CAP2: variants seen among roughly 807,000 people sequenced by gnomAD.
CAP2 encodes cyclase associated actin cytoskeleton regulatory protein 2, also known as adenylyl cyclase-associated protein 2.
Under a neutral mutation model 57.7 loss-of-function variants are expected in CAP2, and 24 were observed. That is an observed-to-expected ratio of 0.42 (90% CI 0.30 to 0.58). CAP2 has a LOEUF of 0.58. CAP2 is among the 20% of genes least tolerant of loss of function. CAP2 has a pLI of 0.22. For missense variants in CAP2, 501 were observed against 590.3 expected (o/e 0.85, Z 1.57); for synonymous variants, 194 against 207.2 (o/e 0.94, Z 0.55).
chr6:17,524,894 T>TTTTC (rs1491338996), intron 7 of CAP2, among the ~76,000 whole-genome samples: 18 of 1,382 alleles, frequency 0.013, no homozygotes, highest in South Asian at 0.091. Flanking sequence ...TTTTCTTTTC[T>TTTTC]TTTTTTTTTT....
chr6:17,501,463 GA>G (rs1761819527), intron 4 of CAP2, among the ~76,000 whole-genome samples: 1 of 152,102 alleles, frequency 6.6e-6, no homozygotes, highest in Admixed American at 6.6e-5. Flanking sequence ...TTTATAATCA[GA>G]AAAAGAAATT....
chr6:17,555,320 G>A (rs1165402290), intron 12 of CAP2, among the ~76,000 whole-genome samples: 3 of 151,754 alleles, frequency 2.0e-5, no homozygotes, highest in Admixed American at 6.6e-5. Flanking sequence ...TCAGCCTCCC[G>A]AGTAGCTGGG....
Position 17,557,154 on chromosome 6 carries a change from A to T in CAP2, c.*712A>T, listed in dbSNP as rs1042563125. ...CATAAGAGATTCTTATGCCAAAAACATTAAACAGAAGAAATCATTTTTTTT... is the reference window on the plus strand; with the variant it reads ...CATAAGAGATTCTTATGCCAAAAACTTTAAACAGAAGAAATCATTTTTTTT... On this transcript the variant is annotated 3_prime_UTR_variant, in exon 13 of 13. Transcript: ENST00000229922. 1 of 123,532 alleles carries T rather than the reference A, an allele frequency of 8.1e-6. No individual in the cohort carries two copies. Among genetic ancestry groups the T allele is most frequent in the African/African-American group, 3.4e-5 (1 of 29,646 alleles). The allele number at this position is 123,532 out of a possible 1,614,324, so 7.7% of individuals were successfully genotyped here.
intron 6 of CAP2, among the ~76,000 whole-genome samples, chr6:17,507,960 C>T (rs1581580284): frequency 6.6e-6 from 1 of 152,224 alleles, no homozygotes; most frequent in Non-Finnish European, 1.5e-5. Context: ...AATGAATAAA[C>T]TCTCCCCACT....
At chr6:17,393,998 G>A (rs1419074717) in intron 1 of CAP2, among the ~76,000 whole-genome samples, 3 of 148,740 alleles carry the variant, frequency 2.0e-5, no homozygotes, top group African/African-American at 7.3e-5. Flanking sequence ...GGCGCGCCCT[G>A]CCCCCGCCTC....
intron 4 of CAP2, among the ~76,000 whole-genome samples, chr6:17,471,218 A>C (rs1384379836): frequency 6.6e-6 from 1 of 152,204 alleles, no homozygotes; most frequent in African/African-American, 2.4e-5. Context: ...ATGCCCAGAA[A>C]ATGTCATAGC....
At chr6:17,467,433 G>T (rs888341079) in intron 4 of CAP2, among the ~76,000 whole-genome samples, 1 of 152,170 alleles carries the variant, frequency 6.6e-6, no homozygotes, top group Non-Finnish European at 1.5e-5. Context: ...ATACAGGCAT[G>T]CTATACATAA....
rs1481172141 is a variant in CAP2, at chr6:17,408,901, C to A, written c.-1-12654C>A. Among the ~76,000 whole-genome samples, 3 of 151,214 alleles carry A rather than the reference C, an allele frequency of 2.0e-5. No homozygotes were observed. In the East Asian group the frequency reaches 6.1e-4, roughly 31 times the overall value. Reference sequence around the variant, plus strand: ...AGCCAGGATGGTCTTGATCTCCTGACCTTGTGATCCGCCAGCCTCGGCCTC... The same window carrying A: ...AGCCAGGATGGTCTTGATCTCCTGAACTTGTGATCCGCCAGCCTCGGCCTC... On this transcript the variant is annotated intron_variant, in intron 1 of 12. Transcript: ENST00000229922.
intron 2 of CAP2, among the ~76,000 whole-genome samples, chr6:17,423,365 C>T (rs1023340338): frequency 7.2e-5 from 11 of 152,050 alleles, no homozygotes; most frequent in Non-Finnish European, 1.0e-4. Flanking sequence ...AGTTTTTTTC[C>T]GCACCAACTG....
chr6:17,529,651 A>AAAAAAAAAAATATATAT (rs10656588), intron 7 of CAP2, among the ~76,000 whole-genome samples: 3 of 134,536 alleles, frequency 2.2e-5, no homozygotes, highest in African/African-American at 8.8e-5. Context: ...AAAAAAAAAA[A>AAAAAAAAAAATATATAT]ATATATATAT....
Position 17,421,536 on chromosome 6 carries a change from T to C in CAP2, c.-1-19T>C. The C allele has an allele frequency of 1.2e-6, 2 of 1,614,158 alleles. No homozygotes were observed. Among genetic ancestry groups the C allele is most frequent in the Non-Finnish European group, 8.5e-7 (1 of 1,179,986 alleles). ...CCCTGATGCTCACGCAGCCTCCATT[T>C]GTGCCTGTGCTTTTCTAGAATGGCC... On this transcript the variant is annotated intron_variant, in intron 1 of 12. Coordinates refer to ENST00000229922, the MANE Select transcript of CAP2 (RefSeq NM_006366.3).
Position 17,497,402 on chromosome 6 carries a change from A to G in CAP2, c.301-9767A>G, listed in dbSNP as rs556459795. On this transcript the variant is annotated intron_variant, in intron 4 of 12. Coordinates refer to ENST00000229922, the MANE Select transcript of CAP2 (RefSeq NM_006366.3). ...GAGTTGGTATCTTCTCAGCTGAACC[A>G]GTAAGCTGAAATAAGAACAAAATAC... Among the ~76,000 whole-genome samples, 36 of 152,360 alleles carry G rather than the reference A, an allele frequency of 2.4e-4. 1 individual carries two copies. Among genetic ancestry groups the G allele is most frequent in the African/African-American group, 7.5e-4 (31 of 41,586 alleles).
intron 3 of CAP2, among the ~76,000 whole-genome samples, chr6:17,434,231 C>CTTTT (rs1219210615): frequency 5.1e-5 from 7 of 137,154 alleles, no homozygotes; most frequent in African/African-American, 2.2e-4. Flanking sequence ...CTCTTTTTTT[C>CTTTT]TTTCTTTTTT....
intron 1 of CAP2, among the ~76,000 whole-genome samples, chr6:17,417,108 C>A (rs1250379170): frequency 1.4e-5 from 2 of 147,460 alleles, no homozygotes; most frequent in Non-Finnish European, 3.0e-5. Flanking sequence ...AAACAAAAAA[C>A]AAACAACCTT....
chr6:17,413,976 C>T (rs1759208260), intron 1 of CAP2, among the ~76,000 whole-genome samples: 1 of 151,922 alleles, frequency 6.6e-6, no homozygotes, highest in South Asian at 2.1e-4. Flanking sequence ...ATCACTTGAA[C>T]CCAGGAGGCG....
chr6:17,530,582 G>A (rs1762617130), intron 7 of CAP2, among the ~76,000 whole-genome samples: 1 of 152,126 alleles, frequency 6.6e-6, no homozygotes, highest in Non-Finnish European at 1.5e-5. Flanking sequence ...GGCTCATAAA[G>A]GAAGGATGAG....
At chr6:17,483,776 C>G (rs1023333712) in intron 4 of CAP2, among the ~76,000 whole-genome samples, 2 of 152,090 alleles carry the variant, frequency 1.3e-5, no homozygotes, top group Non-Finnish European at 2.9e-5. Flanking sequence ...GCGTGGCTGA[C>G]AGGGGTGTTT....
intron 1 of CAP2, among the ~76,000 whole-genome samples, chr6:17,412,470 T>G (rs1759163428): frequency 1.3e-5 from 2 of 152,216 alleles, no homozygotes; most frequent in Admixed American, 1.3e-4. Flanking sequence ...ACCTCCAGAA[T>G]CACGTGGGTT....
Position 17,539,444 on chromosome 6 carries a change from A to AG in CAP2, c.812_813insG (p.Ala272SerfsTer12). ...TTATTTGCCCAACTTAACCAGGGAG[A>AG]AGCAATTACAAAAGGTGAGAGAGAA... On this transcript the variant is annotated frameshift_variant, in exon 8 of 13. Coordinates refer to ENST00000229922, the MANE Select transcript of CAP2 (RefSeq NM_006366.3). LOFTEE classifies it high-confidence loss of function. 6.2e-7 allele frequency: 1 copy of AG among 1,613,706 alleles called. No homozygotes were observed. Among genetic ancestry groups the AG allele is most frequent in the Non-Finnish European group, 8.5e-7 (1 of 1,179,692 alleles).
Sources: gnomAD v4.1 joint callset for allele counts (sites outside exome capture counted in the v4.1 genomes callset) on GRCh38, gnomAD v4.1.1 for gene constraint, MANE v1.5 for transcripts, NCBI Gene and HGNC (gene_info 2026-07-23, HGNC 2026-07-21) for gene names.